Variants in NKAIN2 observed in about 807,000 individuals in gnomAD.
The protein encoded by NKAIN2 is sodium/potassium-transporting ATPase subunit beta-1-interacting protein 2.
In NKAIN2, 14 loss-of-function variants were observed where a neutral mutation model predicts 32.6. That is an observed-to-expected ratio of 0.43 (90% CI 0.28 to 0.67). The LOEUF (loss-of-function observed/expected upper bound fraction) is 0.67, where lower values mean the gene tolerates loss of function less well. NKAIN2 is among the 30% of genes least tolerant of loss of function. NKAIN2 has a pLI of 0.17. For synonymous variants in NKAIN2, 80 were observed against 87.2 expected, an observed-to-expected ratio of 0.92 and a Z score of 0.46; for missense variants, 198 against 258.3, an observed-to-expected ratio of 0.77 and a Z score of 1.60.
In NKAIN2 at chr6:123,804,264, A is replaced by G. The variant is rs1163881490; in HGVS notation, c.54+10A>G. 4 of 1,610,668 alleles carry G rather than the reference A, an allele frequency of 2.5e-6. No individual in the cohort carries two copies. Among genetic ancestry groups the G allele is most frequent in the Non-Finnish European group, 2.5e-6 (3 of 1,176,852 alleles). ...CTGTGGCATGCAACTGGTAAGTGACACTTGGGTCCCCTTATTCTGTAATGT... is the reference window on the plus strand; with the variant it reads ...CTGTGGCATGCAACTGGTAAGTGACGCTTGGGTCCCCTTATTCTGTAATGT... On this transcript the variant is annotated intron_variant, in intron 1 of 6. Transcript: ENST00000368417.
chr6:124,234,977 G>A (rs1158950305), intron 1 of NKAIN2, among the ~76,000 whole-genome samples: 1 of 152,110 alleles, frequency 6.6e-6, no homozygotes, highest in Non-Finnish European at 1.5e-5. Context: ...TAGTTGTAAT[G>A]CTGGCTACCA....
chr6:124,758,903 G>T (rs1297062324), intron 4 of NKAIN2, among the ~76,000 whole-genome samples: 2 of 152,002 alleles, frequency 1.3e-5, no homozygotes, highest in Non-Finnish European at 2.9e-5. Context: ...ACATTGTCTG[G>T]TATCTTCTCC....
intron 1 of NKAIN2, among the ~76,000 whole-genome samples, chr6:123,925,092 C>A (rs550929445): frequency 1.3e-5 from 2 of 152,190 alleles, no homozygotes; most frequent in South Asian, 4.1e-4. Flanking sequence ...GCTTGAATTA[C>A]TTGTCCAAGT....
intron 4 of NKAIN2, among the ~76,000 whole-genome samples, chr6:124,710,089 C>T (rs922424934): frequency 2.0e-5 from 3 of 151,504 alleles, no homozygotes; most frequent in Non-Finnish European, 3.0e-5. Flanking sequence ...TTGTTATGTA[C>T]CCAGTAGTCA....
intron 1 of NKAIN2, among the ~76,000 whole-genome samples, chr6:124,279,822 G>GA (rs957037440): frequency 1.3e-5 from 2 of 151,348 alleles, no homozygotes; most frequent in African/African-American, 2.4e-5. Flanking sequence ...TTGTATAAAA[G>GA]AAAAAAAATA....
chr6:123,905,114 G>C (rs1218540158), intron 1 of NKAIN2, among the ~76,000 whole-genome samples: 1 of 152,092 alleles, frequency 6.6e-6, no homozygotes, highest in Non-Finnish European at 1.5e-5. Flanking sequence ...AATGTGAAAA[G>C]TCTGAAATTT....
chr6:124,619,905 T>C (rs537354915), intron 3 of NKAIN2, among the ~76,000 whole-genome samples: 23 of 152,346 alleles, frequency 1.5e-4, no homozygotes, highest in African/African-American at 4.1e-4. Context: ...TTATTTGCAA[T>C]GTAGCCTTAC....
chr6:124,487,147 C>G (rs969158683), intron 3 of NKAIN2, among the ~76,000 whole-genome samples: 1 of 151,946 alleles, frequency 6.6e-6, no homozygotes, highest in Non-Finnish European at 1.5e-5. Context: ...TATTTTTGGT[C>G]AGTGTTCCCA....
At chr6:124,734,689 T>C (rs1776854378) in intron 4 of NKAIN2, among the ~76,000 whole-genome samples, 1 of 151,778 alleles carries the variant, frequency 6.6e-6, no homozygotes, top group African/African-American at 2.4e-5. Flanking sequence ...AGCAAATTAG[T>C]AACAGGCAAA....
At chr6:124,214,678 G>A (rs1343309846) in intron 1 of NKAIN2, among the ~76,000 whole-genome samples, 1 of 152,086 alleles carries the variant, frequency 6.6e-6, no homozygotes, top group African/African-American at 2.4e-5. Flanking sequence ...TCCATCCTGG[G>A]CAAGAATGAG....
intron 3 of NKAIN2, among the ~76,000 whole-genome samples, chr6:124,363,520 A>G (rs1269338628): frequency 6.6e-6 from 1 of 152,242 alleles, no homozygotes; most frequent in Non-Finnish European, 1.5e-5. Context: ...ATTCTGTACC[A>G]GGCTAAAAAT....
intron 1 of NKAIN2, among the ~76,000 whole-genome samples, chr6:124,105,544 A>G (rs1785079372): frequency 6.6e-6 from 1 of 152,196 alleles, no homozygotes; most frequent in Admixed American, 6.5e-5. Context: ...AGAGAGACAC[A>G]TGTAAGAGAC....
At chr6:124,151,536 A>G (rs1398798412) in intron 1 of NKAIN2, among the ~76,000 whole-genome samples, 2 of 152,010 alleles carry the variant, frequency 1.3e-5, no homozygotes, top group Admixed American at 6.6e-5. Flanking sequence ...ATGGTTGTCT[A>G]TGTATAACAA....
intron 4 of NKAIN2, among the ~76,000 whole-genome samples, chr6:124,668,931 T>C (rs2114467384): frequency 6.6e-6 from 1 of 152,282 alleles, no homozygotes. Flanking sequence ...TGAATTGATA[T>C]GACATAGCCA....
At chr6:124,269,468 T>C (rs1180491826) in intron 1 of NKAIN2, among the ~76,000 whole-genome samples, 1 of 151,364 alleles carries the variant, frequency 6.6e-6, no homozygotes, top group African/African-American at 2.4e-5. Context: ...TTTTTTCTTT[T>C]TCTTTTTTTT....
intron 1 of NKAIN2, among the ~76,000 whole-genome samples, chr6:123,853,086 T>C (rs1775417254): frequency 6.6e-6 from 1 of 152,222 alleles, no homozygotes; most frequent in East Asian, 1.9e-4. Flanking sequence ...CATGTCTTGA[T>C]ACTGTGTGCC....
intron 3 of NKAIN2, among the ~76,000 whole-genome samples, chr6:124,431,857 C>T (rs1193237548): frequency 1.3e-5 from 2 of 151,982 alleles, no homozygotes; most frequent in Admixed American, 6.6e-5. Flanking sequence ...AGAGATATTT[C>T]CACCACCACT....
intron 5 of NKAIN2, among the ~76,000 whole-genome samples, chr6:124,806,339 A>G (rs928275195): frequency 1.4e-4 from 22 of 152,240 alleles, no homozygotes; most frequent in African/African-American, 4.6e-4. Context: ...AATATTCAAC[A>G]TACTTAAAGA....
intron 1 of NKAIN2, among the ~76,000 whole-genome samples, chr6:123,864,559 C>A (rs147291881): frequency 6.6e-6 from 1 of 152,182 alleles, no homozygotes; most frequent in African/African-American, 2.4e-5. Flanking sequence ...TGGGAAGGTA[C>A]ATTTTCATTT....
Sources: allele counts gnomAD v4.1 joint callset (sites outside exome capture counted in the v4.1 genomes callset), GRCh38; gene constraint gnomAD v4.1.1; transcripts MANE v1.5; gene names NCBI Gene and HGNC (gene_info 2026-07-23, HGNC 2026-07-21).